Variants in FER1L5 observed in about 807,000 individuals in gnomAD.
FER1L5 encodes fer-1-like protein 5.
A neutral mutation model predicts 279.9 loss-of-function variants in FER1L5; 187 were observed. That is an observed-to-expected ratio of 0.67 (90% confidence interval 0.59 to 0.75). The LOEUF is 0.75. Among genes scored for constraint, FER1L5 ranks in the 30% least tolerant of loss-of-function variants. The pLI, the probability that FER1L5 is intolerant of heterozygous loss-of-function variation, is 0.00. For synonymous variants in FER1L5, 921 were observed against 989.7 expected, an observed-to-expected ratio of 0.93 and a Z score of 1.30; for missense variants, 2,091 against 2,594.4, an observed-to-expected ratio of 0.81 and a Z score of 4.21.
At chr2:96,686,153 G>C (rs1378689019) in intron 22 of FER1L5, 36 bp downstream of exon 22, 10 of 1,546,690 alleles carry the variant, frequency 6.5e-6, no homozygotes, top group Non-Finnish European at 1.7e-6. Context: ...AGCAGGGCTG[G>C]GAGCCAGCCG....
At position 96,697,684 on chromosome 2, in the gene FER1L5, T is replaced by G; in HGVS notation, c.4159T>G (p.Trp1387Gly). Residue 1387 changes from tryptophan to glycine, a missense_variant, in exon 39 of 53, where the codon TGG becomes GGG. Trp to Gly is a radical substitution (Grantham distance 184). Coordinates refer to ENST00000624922, the MANE Select transcript of FER1L5 (RefSeq NM_001293083.2). ...GGATGAGTATGAGCATGAGGTGGAC[T>G]GGTGGAGCAAGCTGTTCTGGGCCAC... ...AEDEYEHEVD[W>G]WSKLFWATDE... is the part of the protein sequence containing the mutation. The G allele has an allele frequency of 1.2e-6, 2 of 1,614,012 alleles. No homozygotes were observed. Among genetic ancestry groups the G allele is most frequent in the Non-Finnish European group, 1.7e-6 (2 of 1,179,884 alleles).
chr2:96,693,585 CCAGA>C lies in FER1L5; in HGVS notation c.3375_3378del (p.Gln1125HisfsTer60), dbSNP rs1435065847. 1.9e-6 allele frequency: 3 copies of C among 1,551,586 alleles called. No individual in the cohort carries two copies. The highest frequency in any genetic ancestry group is 2.6e-6 in the Non-Finnish European group (3 of 1,146,972). On this transcript the variant is annotated frameshift_variant, in exon 32 of 53. Transcript: ENST00000624922. LOFTEE classifies it high-confidence loss of function. ...GGAGCTCTGCAGGCCCCACATGGGC[CCAGA>C]CACTCATCTTCCAGCACCTCCTTCT...
chr2:96,700,250 G>A (rs565308171), intron 44 of FER1L5, 82 bp from the exon 45 acceptor site: 85 of 1,590,938 alleles, frequency 5.3e-5, no homozygotes, highest in Non-Finnish European at 6.9e-5. Context: ...CCCAGGCTGC[G>A]GTCGGGAGGG....
chr2:96,654,915 A>T (rs1227397126), intron 9 of FER1L5: 2 of 152,180 alleles, frequency 1.3e-5, no homozygotes, highest in African/African-American at 4.8e-5. Context: ...AAAAAAAAAA[A>T]AAAGAAGAAG....
intron 9 of FER1L5, among the ~76,000 whole-genome samples, chr2:96,655,575 C>T (rs1425638027): frequency 6.6e-6 from 1 of 152,152 alleles, no homozygotes; most frequent in African/African-American, 2.4e-5. Flanking sequence ...CATAGAGAGA[C>T]AGAGATTCTA....
chr2:96,697,841 G>A, intron 39 of FER1L5, 80 bp downstream of exon 39: 1 of 1,539,868 alleles, frequency 6.5e-7, no homozygotes, highest in Non-Finnish European at 8.9e-7. Context: ...ATTCCTCTGG[G>A]AAGCCTCAAG....
chr2:96,702,181 T>G lies in FER1L5; in HGVS notation c.5160-125T>G. ...AGAGAGGAAGCTCTACTGGGAGCTT[T>G]CTTCCCCTGAATTCCCCACACTGAG... On this transcript the variant is annotated intron_variant, in intron 46 of 52. Coordinates refer to ENST00000624922, the MANE Select transcript of FER1L5 (RefSeq NM_001293083.2). The surrounding 1 kb of genome is among the most constrained non-coding windows in gnomAD (Gnocchi z 4.0). 1.9e-6 allele frequency: 3 copies of G among 1,562,750 alleles called. No individual in the cohort carries two copies. Among genetic ancestry groups the G allele is most frequent in the Non-Finnish European group, 2.6e-6 (3 of 1,153,602 alleles).
chr2:96,665,280 A>G (rs1237485501), intron 14 of FER1L5, among the ~76,000 whole-genome samples: 1 of 152,162 alleles, frequency 6.6e-6, no homozygotes, highest in African/African-American at 2.4e-5. Flanking sequence ...ACATTGTGAA[A>G]TACAAAATTA....
At position 96,685,408 on chromosome 2, in the gene FER1L5, G is replaced by A; in HGVS notation, c.1874G>A (p.Arg625Lys). ...ALLYQWEKLL[R>K]ELAEDCKRPL... ...CTCTACCAGTGGGAGAAACTGCTGA[G>A]GGAGCTGGCAGAGGACTGCAAGTAG... is the stretch of plus-strand genomic sequence containing the variant. Residue 625 changes from arginine (R) to lysine (K), a missense_variant, in exon 21 of 53, where the codon AGG becomes AAG. Coordinates refer to ENST00000624922, the MANE Select transcript of FER1L5 (RefSeq NM_001293083.2). 6.4e-7 allele frequency: 1 copy of A among 1,551,090 alleles called. No homozygotes were observed. The highest frequency in any genetic ancestry group is 8.7e-7 in the Non-Finnish European group (1 of 1,146,836).
intron 45 of FER1L5, among the ~76,000 whole-genome samples, chr2:96,701,492 T>G (rs1217022217): frequency 2.0e-5 from 3 of 152,196 alleles, no homozygotes; most frequent in Non-Finnish European, 4.4e-5. Context: ...TTCCTCTGTA[T>G]GTGTGGCTAG....
Position 96,691,531 on chromosome 2 carries a change from C to T in FER1L5, c.2994C>T (p.Phe998=). The part of the protein sequence containing the change: ...FHLNPQPQSR[F]RRRCWRRRLA... ...TCAACCCTCAGCCCCAGAGCCGGTTCCGCCGCCGCTGCTGGCGCCGCAGGC... is the reference window on the plus strand; with the variant it reads ...TCAACCCTCAGCCCCAGAGCCGGTTTCGCCGCCGCTGCTGGCGCCGCAGGC... Residue 998 remains phenylalanine (F), a synonymous_variant, in exon 29 of 53, where the codon TTC becomes TTT. Transcript: ENST00000624922. The surrounding 1 kb of genome is among the most constrained non-coding windows in gnomAD (Gnocchi z 6.0). The T allele has an allele frequency of 6.5e-7, 1 of 1,550,232 alleles. No individual in the cohort carries two copies. The highest frequency in any genetic ancestry group is 8.7e-7 in the Non-Finnish European group (1 of 1,146,584).
chr2:96,679,160 G>A (rs541139949), intron 19 of FER1L5, among the ~76,000 whole-genome samples: 10 of 151,964 alleles, frequency 6.6e-5, no homozygotes, highest in Admixed American at 1.3e-4. Context: ...AGACCAGCCT[G>A]GGCAACATGG....
chr2:96,659,505 CTTTCGA>C (rs2075859399), intron 9 of FER1L5, among the ~76,000 whole-genome samples: 1 of 50,998 alleles, frequency 2.0e-5, no homozygotes, highest in Non-Finnish European at 3.1e-5. Flanking sequence ...TTCTTTCTTT[CTTTCGA>C]GACAGAGTCT....
At chr2:96,680,047 C>T (rs2076661028) in intron 19 of FER1L5, among the ~76,000 whole-genome samples, 1 of 152,158 alleles carries the variant, frequency 6.6e-6, no homozygotes, top group Non-Finnish European at 1.5e-5. Context: ...GTCTGTCTTG[C>T]TAGTCGTGTC....
chr2:96,662,412 CTG>C (rs1214928724), intron 13 of FER1L5, 145 bp downstream of exon 13: 1 of 770,368 alleles, frequency 1.3e-6, no homozygotes, highest in Non-Finnish European at 2.1e-6. Context: ...ACCTGGAACT[CTG>C]TGCAGGCGGA....
chr2:96,702,860 C>G lies in FER1L5; in HGVS notation c.5398-118C>G, dbSNP rs1421709808. ...TGTCCCAGAACATCAGAAACATGTC[C>G]TCAGGTGGAAACCCTCTTCCTTGAT... On this transcript the variant is annotated intron_variant, in intron 48 of 52. Transcript: ENST00000624922. This position sits in a 1 kb window ranked among gnomAD's most constrained non-coding sequence, Gnocchi z 4.0. The G allele has an allele frequency of 2.7e-5, 41 of 1,531,880 alleles. No homozygotes were observed. Among genetic ancestry groups the G allele is most frequent in the Non-Finnish European group, 3.5e-5 (40 of 1,133,448 alleles). The allele number at this position is 1,531,880 out of a possible 1,614,324, so 94.9% of individuals were successfully genotyped here.
rs982142726 is a variant in FER1L5 at position 96,654,489 on chromosome 2, G to A, written c.740G>A (p.Arg247Lys). ...SAMRYKAEIGRFQTDIGFIYH... is the reference protein window; with the variant it reads ...SAMRYKAEIGKFQTDIGFIYH... ...ATGAGATACAAAGCAGAGATCGGGAGATTTCAAGTGAGTACTGTACATGGG... is the reference window on the plus strand; with the variant it reads ...ATGAGATACAAAGCAGAGATCGGGAAATTTCAAGTGAGTACTGTACATGGG... Residue 247 changes from arginine to lysine, a missense_variant, in exon 9 of 53, where the codon AGA (arginine) becomes AAA (lysine). Coordinates refer to ENST00000624922, the MANE Select transcript of FER1L5 (RefSeq NM_001293083.2). 3 of 398,948 alleles carry A rather than the reference G, an allele frequency of 7.5e-6. No individual in the cohort carries two copies. The highest frequency in any genetic ancestry group is 6.2e-5 in the African/African-American group (3 of 48,632). The allele number at this position is 398,948 out of a possible 1,614,324, so 24.7% of individuals were successfully genotyped here.
intron 4 of FER1L5, among the ~76,000 whole-genome samples, chr2:96,648,672 A>G (rs2075238308): frequency 6.6e-6 from 1 of 152,224 alleles, no homozygotes; most frequent in African/African-American, 2.4e-5. Context: ...ACCTCCTACA[A>G]GTCTGACTTA....
Position 96,690,568 on chromosome 2 carries a change from AACC to A in FER1L5, c.2725_2727del (p.His909del), listed in dbSNP as rs1404925913. On this transcript the variant is annotated inframe_deletion, in exon 27 of 53. Transcript: ENST00000624922. ...TAAGAAGGACTGGGTGGTGGAGCTG[AACC>A]ACGCAGTGGACAGTAAGGGTCAGTC... 1 of 1,551,652 alleles carries A rather than the reference AACC, an allele frequency of 6.4e-7. No homozygotes were observed. The highest frequency in any genetic ancestry group is 1.2e-5 in the South Asian group (1 of 84,064).
Sources: allele counts gnomAD v4.1 joint callset (sites outside exome capture counted in the v4.1 genomes callset), GRCh38; gene constraint gnomAD v4.1.1; non-coding constraint Gnocchi (gnomAD v3.1); transcripts MANE v1.5; gene names NCBI Gene and HGNC (gene_info 2026-07-23, HGNC 2026-07-21).